The following TTLL8 variants were observed in gnomAD, a reference collection of about 807,000 sequenced individuals.
TTLL8 encodes the protein protein monoglycylase TTLL8.
Under a neutral mutation model 77.8 loss-of-function variants are expected in TTLL8, and 65 were observed. That is an observed-to-expected ratio of 0.84 (90% CI 0.68 to 1.03). The LOEUF (loss-of-function observed/expected upper bound fraction) is 1.03. Among genes scored for constraint, TTLL8 ranks in the 50% least tolerant of loss-of-function variants. The pLI is 0.00. For missense variants in TTLL8, 910 were observed against 1,004.5 expected, an observed-to-expected ratio of 0.91 and a Z score of 1.27; for synonymous variants, 402 against 422.8, an observed-to-expected ratio of 0.95 and a Z score of 0.60.
intron 2 of TTLL8, 128 bp downstream of exon 4, chr22:50,049,981 G>C: frequency 1.2e-5 from 14 of 1,149,808 alleles, no homozygotes; most frequent in Non-Finnish European, 1.6e-5. Flanking sequence ...GGAGACCTGG[G>C]GTCGGAGATA....
At position 50,044,050 on chromosome 22, in the gene TTLL8, T is replaced by C. The variant is rs960872479; in HGVS notation, c.643+1205A>G. On this transcript the variant is annotated intron_variant, in intron 6 of 13. Coordinates refer to ENST00000266182, the Ensembl canonical transcript of TTLL8. This position sits in a 1 kb window ranked among gnomAD's most constrained non-coding sequence, Gnocchi z 4.2. ...TGTTAAAATCATTAATTAGGCCAGG[T>C]ACGGTGGATCAAGCCTGTAATCCCA... 2.6e-5 allele frequency among the ~76,000 whole-genome samples: 4 copies of C among 152,120 alleles called. No homozygotes were observed. Among genetic ancestry groups the C allele is most frequent in the African/African-American group, 9.7e-5 (4 of 41,412 alleles).
At chr22:50,039,136 CA>C (rs2061353451) in intron 8 of TTLL8, among the ~76,000 whole-genome samples, 2 of 152,016 alleles carry the variant, frequency 1.3e-5, no homozygotes, top group African/African-American at 4.8e-5. Context: ...TTACTTTTTT[CA>C]AGTTTTGATA....
chr22:50,030,489 G>A (rs1338145245), exon 12 of TTLL8: 1 of 1,343,042 alleles, frequency 7.4e-7, no homozygotes, highest in Non-Finnish European at 9.9e-7. Context: ...CCGCAGCACA[G>A]GCTCCAGCGG....
exon 11 of TTLL8, chr22:50,031,858 A>C (rs1601914912): frequency 7.3e-7 from 1 of 1,367,330 alleles, no homozygotes; most frequent in East Asian, 4.5e-5. Context: ...CCCAAGGACG[A>C]AGTCAGCCCC....
Position 50,034,252 on chromosome 22 carries a change from G to A in TTLL8, c.1039+93C>T. 1 of 1,242,848 alleles carries A rather than the reference G, an allele frequency of 8.0e-7. No homozygotes were observed. The highest frequency in any genetic ancestry group is 1.0e-6 in the Non-Finnish European group (1 of 961,674). The allele number at this position is 1,242,848 out of a possible 1,614,324, so 77.0% of individuals were successfully genotyped here. On this transcript the variant is annotated intron_variant, in intron 9 of 13. Coordinates refer to ENST00000266182, the Ensembl canonical transcript of TTLL8. This position sits in a 1 kb window ranked among gnomAD's most constrained non-coding sequence, Gnocchi z 4.1. ...CTGCTCCCTCCCTTCCTTCCCTGTGGTGCTGTGGGCCTGAAACTGTCCCTC... is the reference window on the plus strand; with the variant it reads ...CTGCTCCCTCCCTTCCTTCCCTGTGATGCTGTGGGCCTGAAACTGTCCCTC...
intron 11 of TTLL8, 105 bp from the exon 13 acceptor site, chr22:50,031,030 C>A: frequency 9.3e-7 from 1 of 1,075,346 alleles, no homozygotes; most frequent in Non-Finnish European, 1.2e-6. Flanking sequence ...CAGACCCCCA[C>A]CTGACTCAGG....
intron 10 of TTLL8, 106 bp from the exon 12 acceptor site, chr22:50,032,215 C>T (rs575566878): frequency 8.3e-7 from 1 of 1,204,236 alleles, no homozygotes; most frequent in East Asian, 4.8e-5. Context: ...CTCTAGAGAA[C>T]CCTGCCCCTG....
intron 12 of TTLL8, 165 bp downstream of exon 13, chr22:50,030,265 C>T: frequency 3.0e-6 from 3 of 985,374 alleles, no homozygotes; most frequent in Non-Finnish European, 3.6e-6. Flanking sequence ...TGCCCCAACC[C>T]CGCTCCCCGG....
chr22:50,038,867 A>G (rs2061352343), intron 8 of TTLL8, among the ~76,000 whole-genome samples: 1 of 152,092 alleles, frequency 6.6e-6, no homozygotes, highest in South Asian at 2.1e-4. Context: ...CAAATTTACT[A>G]GGACAGGTAT....
chr22:50,050,304 AT>A, intron 1 of TTLL8, 57 bp from the exon 4 acceptor site: 1 of 1,264,018 alleles, frequency 7.9e-7, no homozygotes, highest in Admixed American at 2.4e-5. Flanking sequence ...GAATAGGCAG[AT>A]TTTGGTTGCA....
upstream of TTLL8, among the ~76,000 whole-genome samples, chr22:50,058,018 C>T (rs1170492639): frequency 4.5e-5 from 5 of 110,074 alleles, no homozygotes; most frequent in African/African-American, 7.0e-5. This position sits in a 1 kb window ranked among gnomAD's most constrained non-coding sequence, Gnocchi z 4.2. Context: ...AGGCCCGGGG[C>T]GGGGAGGGGG....
intron 12 of TTLL8, among the ~76,000 whole-genome samples, chr22:50,021,178 C>CTGA: frequency 6.8e-6 from 1 of 146,996 alleles, no homozygotes; most frequent in South Asian, 2.3e-4. Flanking sequence ...ACTCCTCCAT[C>CTGA]TGACGTGCAC....
chr22:50,057,224 T>G (rs1392309403), upstream of TTLL8, among the ~76,000 whole-genome samples: 26 of 78,684 alleles, frequency 3.3e-4, no homozygotes, highest in South Asian at 4.6e-4. Context: ...GCTCTGGGGT[T>G]GGGGATCAGG....
At chr22:50,037,834 T>G (rs1302650966) in intron 8 of TTLL8, among the ~76,000 whole-genome samples, 6 of 152,240 alleles carry the variant, frequency 3.9e-5, no homozygotes, top group Non-Finnish European at 8.8e-5. Context: ...CAAGTCTGTT[T>G]TGGCTCTTCT....
At chr22:50,026,326 A>G (rs9617052) in intron 12 of TTLL8, among the ~76,000 whole-genome samples, 47,335 of 121,152 alleles carry the variant, frequency 0.39, 9,225 homozygotes, top group Admixed American at 0.45. Flanking sequence ...GGTCAGACAC[A>G]GAAATACGCC....
chr22:50,042,295 A>G (rs150292564), intron 6 of TTLL8, among the ~76,000 whole-genome samples: 1 of 152,332 alleles, frequency 6.6e-6, no homozygotes, highest in East Asian at 1.9e-4. Context: ...AAACTCAACA[A>G]TAAGAAAACA....
chr22:50,052,241 G>A (rs563526299), intron 1 of TTLL8, among the ~76,000 whole-genome samples: 52 of 152,158 alleles, frequency 3.4e-4, no homozygotes, highest in Admixed American at 7.2e-4. Context: ...TGGACAGTCC[G>A]CAAGAGGGCT....
chr22:50,027,879 C>T lies in TTLL8; in HGVS notation c.2203+2551G>A, dbSNP rs996882216. 11 of 869,764 alleles carry T rather than the reference C, an allele frequency of 1.3e-5. No homozygotes were observed. In the South Asian group the frequency reaches 3.7e-4, roughly 29 times the overall value. 53.9% of individuals were successfully genotyped at this position (869,764 alleles called of 1,614,324 possible). On this transcript the variant is annotated intron_variant, in intron 12 of 13. Transcript: ENST00000266182. ...GGCCGTGCCCTCGAGGGCCTGACCG[C>T]GAAACGCTCGTACGCACGGGTTGGA...
chr22:50,028,567 G>A (rs573553642), intron 12 of TTLL8, among the ~76,000 whole-genome samples: 4 of 150,380 alleles, frequency 2.7e-5, no homozygotes, highest in East Asian at 3.9e-4. Flanking sequence ...CCTGCGTGCC[G>A]TCATAAAGAC....
Sources: gnomAD v4.1 joint callset for allele counts (sites outside exome capture counted in the v4.1 genomes callset) on GRCh38, gnomAD v4.1.1 for gene constraint, Gnocchi (gnomAD v3.1) non-coding constraint, MANE v1.5 for transcripts, NCBI Gene and HGNC (gene_info 2026-07-23, HGNC 2026-07-21) for gene names.